CD1B: variants seen among roughly 807,000 people sequenced by gnomAD.
CD1B encodes T-cell surface glycoprotein CD1b.
In CD1B, 43 loss-of-function variants were observed where a neutral mutation model predicts 39.8. That is an observed-to-expected ratio of 1.08 (90% confidence interval 0.85 to 1.39). The LOEUF is 1.39. Ranked by LOEUF, CD1B falls within the 40% of genes most tolerant of loss-of-function variation. The probability of loss-of-function intolerance (pLI) is 0.00; values close to 1 mark genes in which losing one functional copy is unlikely to be tolerated. For missense variants in CD1B, 495 were observed against 403.8 expected (o/e 1.23, Z -1.94); for synonymous variants, 192 against 152.5 (o/e 1.26, Z -1.91).
the CD1B span, among the ~76,000 whole-genome samples, chr1:158,301,362 T>C: frequency 6.6e-6 from 1 of 152,184 alleles, no homozygotes; most frequent in Non-Finnish European, 1.5e-5. Context: ...CTCATTAGTT[T>C]ATGCAGTTTC....
chr1:158,301,108 C>T, the CD1B span, among the ~76,000 whole-genome samples: 3 of 151,896 alleles, frequency 2.0e-5, no homozygotes, highest in Admixed American at 1.3e-4. Context: ...ACTGGGATTG[C>T]AACCCCTGCT....
chr1:158,316,319 C>T, the CD1B span, among the ~76,000 whole-genome samples: 2 of 151,866 alleles, frequency 1.3e-5, no homozygotes, highest in Non-Finnish European at 2.9e-5. Flanking sequence ...TGTTTTTATC[C>T]TCTTTTATTT....
chr1:158,311,430 C>A, the CD1B span, among the ~76,000 whole-genome samples: 1 of 152,056 alleles, frequency 6.6e-6, no homozygotes, highest in Non-Finnish European at 1.5e-5. Flanking sequence ...ATCTTAATCC[C>A]TTTGGATACG....
At chr1:158,307,356 C>A in the CD1B span, among the ~76,000 whole-genome samples, 2 of 152,138 alleles carry the variant, frequency 1.3e-5, no homozygotes, top group Admixed American at 6.6e-5. Flanking sequence ...AATTCCTCGA[C>A]ACGTACACCC....
At chr1:158,329,717 C>T (rs995237231) in intron 3 of CD1B, 69 bp from the exon 4 acceptor site, 1 of 1,580,516 alleles carries the variant, frequency 6.3e-7, no homozygotes, top group Admixed American at 1.8e-5. Context: ...ACTCAGAAAC[C>T]TACAAGCTTG....
In CD1B at chr1:158,328,083, T is replaced by C. The variant is rs546911968; in HGVS notation, c.*153A>G. On this transcript the variant is annotated 3_prime_UTR_variant, in exon 6 of 6. Transcript: ENST00000368168. ...TTTACAGTTTTAAGTACTTTTTTGC[T>C]GATGTTTAAATAATAATTTATTTTA... The C allele has an allele frequency of 7.1e-5, 45 of 636,000 alleles. 1 individual carries two copies. In the Admixed American group the frequency reaches 9.8e-4, roughly 14 times the overall value. The allele number at this position is 636,000 out of a possible 1,614,324, so 39.4% of individuals were successfully genotyped here.
the CD1B span, among the ~76,000 whole-genome samples, chr1:158,318,976 A>T: frequency 1.3e-5 from 2 of 152,116 alleles, no homozygotes; most frequent in South Asian, 2.1e-4. Context: ...TTCTTTAAGA[A>T]TGTTGAATAT....
chr1:158,307,674 A>C, the CD1B span, among the ~76,000 whole-genome samples: 1 of 152,224 alleles, frequency 6.6e-6, no homozygotes, highest in Non-Finnish European at 1.5e-5. Context: ...ACATCGATGC[A>C]GAAATTCTCA....
chr1:158,320,295 C>T, the CD1B span, among the ~76,000 whole-genome samples: 1 of 152,224 alleles, frequency 6.6e-6, no homozygotes, highest in Non-Finnish European at 1.5e-5. Flanking sequence ...GACTGCGGTG[C>T]TAGCAATCAG....
the CD1B span, among the ~76,000 whole-genome samples, chr1:158,305,942 GA>G: frequency 1.3e-5 from 2 of 152,172 alleles, no homozygotes; most frequent in Non-Finnish European, 2.9e-5. Flanking sequence ...CACTAAACAT[GA>G]AAAGGAACAA....
intron 2 of CD1B, 101 bp downstream of exon 2, chr1:158,330,695 A>G: frequency 8.3e-7 from 1 of 1,201,438 alleles, no homozygotes; most frequent in Non-Finnish European, 1.2e-6. Context: ...ATTTGGGTAA[A>G]ATAGAAAGGA....
chr1:158,311,294 TA>T, the CD1B span, among the ~76,000 whole-genome samples: 1 of 152,226 alleles, frequency 6.6e-6, no homozygotes, highest in East Asian at 1.9e-4. Context: ...TTGAGCATAT[TA>T]TATTTACCTA....
At chr1:158,322,475 C>G in the CD1B span, among the ~76,000 whole-genome samples, 1 of 86,870 alleles carries the variant, frequency 1.2e-5, no homozygotes, top group East Asian at 3.3e-4. Flanking sequence ...CCATGTTGCC[C>G]AGGCTGAACT....
the CD1B span, among the ~76,000 whole-genome samples, chr1:158,320,489 G>T: frequency 6.6e-6 from 1 of 152,246 alleles, no homozygotes; most frequent in Admixed American, 6.5e-5. Context: ...CACTTCCCGA[G>T]TGAGGCAATG....
chr1:158,319,713 C>T, the CD1B span, among the ~76,000 whole-genome samples: 127 of 152,316 alleles, frequency 8.3e-4, 4 homozygotes, highest in South Asian at 0.023. Context: ...TGAGGAACTG[C>T]GTTCCTTTGG....
At chr1:158,290,285 C>T in the CD1B span, among the ~76,000 whole-genome samples, 2 of 152,034 alleles carry the variant, frequency 1.3e-5, no homozygotes, top group Non-Finnish European at 2.9e-5. Context: ...AGAGCATGGG[C>T]TCTGTGTAAG....
chr1:158,302,076 A>C, the CD1B span, among the ~76,000 whole-genome samples: 4 of 152,276 alleles, frequency 2.6e-5, no homozygotes, highest in African/African-American at 7.2e-5. Flanking sequence ...AAAAAAACCA[A>C]AATCATACCA....
chr1:158,314,086 T>C, the CD1B span, among the ~76,000 whole-genome samples: 2 of 152,102 alleles, frequency 1.3e-5, no homozygotes, highest in East Asian at 1.9e-4. Context: ...GTTTGTCAGG[T>C]TTTGTTTTTG....
At chr1:158,291,878 T>C in the CD1B span, among the ~76,000 whole-genome samples, 2 of 152,170 alleles carry the variant, frequency 1.3e-5, no homozygotes, top group East Asian at 3.9e-4. Flanking sequence ...CACTTTTTCT[T>C]GTTAATTCAA....
Sources: gnomAD v4.1 joint callset for allele counts (sites outside exome capture counted in the v4.1 genomes callset) on GRCh38, gnomAD v4.1.1 for gene constraint, MANE v1.5 for transcripts, NCBI Gene and HGNC (gene_info 2026-07-23, HGNC 2026-07-21) for gene names.